Variants in TDRD9 observed in about 807,000 individuals in gnomAD.
The protein encoded by TDRD9 is tudor domain containing 9, also known as ATP-dependent RNA helicase TDRD9.
TDRD9 carries 124 observed loss-of-function variants against 172.6 expected under a neutral mutation model. The ratio of observed to expected loss-of-function variants is 0.72; its 90% CI spans 0.62 to 0.83. The LOEUF (loss-of-function observed/expected upper bound fraction) is 0.83. Among genes scored for constraint, TDRD9 ranks in the 40% least tolerant of loss-of-function variants. The pLI is 0.00. For synonymous variants in TDRD9, 619 were observed against 617.1 expected, an observed-to-expected ratio of 1.00 and a Z score of -0.05; for missense variants, 1,479 against 1,714.1, an observed-to-expected ratio of 0.86 and a Z score of 2.42.
At position 104,006,557 on chromosome 14, in the gene TDRD9, A is replaced by C; in HGVS notation, c.1879+3A>C. 6.2e-7 allele frequency: 1 copy of C among 1,613,038 alleles called. No homozygotes were observed. Among genetic ancestry groups the C allele is most frequent in the Non-Finnish European group, 8.5e-7 (1 of 1,179,086 alleles). On this transcript the variant is annotated splice_donor_region_variant and intron_variant, in intron 16 of 35. Coordinates refer to ENST00000409874, the MANE Select transcript of TDRD9 (RefSeq NM_153046.3). ...TCTAGATGAATGTCTTATTATAGGT[A>C]AGTGTGAGAACAAATAAATGCTAAT...
At chr14:103,955,864 A>G in intron 2 of TDRD9, 94 bp downstream of exon 2, 1 of 1,073,722 alleles carries the variant, frequency 9.3e-7, no homozygotes, top group South Asian at 1.5e-5. Flanking sequence ...AATTCCAGCT[A>G]CTCAGGAGGC....
At chr14:103,936,317 C>G (rs2030760320) in intron 1 of TDRD9, among the ~76,000 whole-genome samples, 1 of 152,162 alleles carries the variant, frequency 6.6e-6, no homozygotes, top group Admixed American at 6.5e-5. Flanking sequence ...GTCTCAAATT[C>G]CTGGGCTCAA....
chr14:103,947,453 G>A (rs1327736603), intron 1 of TDRD9, among the ~76,000 whole-genome samples: 3 of 151,554 alleles, frequency 2.0e-5, no homozygotes, highest in African/African-American at 7.3e-5. Context: ...TTAGCCTCCC[G>A]AGTAGCTGGG....
intron 1 of TDRD9, among the ~76,000 whole-genome samples, chr14:103,933,925 TTTC>T (rs1211360489): frequency 6.6e-6 from 1 of 152,240 alleles, no homozygotes; most frequent in African/African-American, 2.4e-5. Context: ...ATGTTGCTTT[TTTC>T]TTTTTGTCTT....
chr14:104,051,868 T>C (rs1198450380), intron 35 of TDRD9, 113 bp from the exon 36 acceptor site: 7 of 615,876 alleles, frequency 1.1e-5, no homozygotes. Flanking sequence ...TCTGTAAATA[T>C]TTTTGGAGAA....
At chr14:103,984,750 C>T (rs1295938838) in intron 7 of TDRD9, among the ~76,000 whole-genome samples, 1 of 152,190 alleles carries the variant, frequency 6.6e-6, no homozygotes, top group Non-Finnish European at 1.5e-5. Flanking sequence ...GGGCCATTGT[C>T]TTCCAGACCC....
intron 1 of TDRD9, chr14:103,941,719 A>G (rs2031248337): frequency 6.9e-7 from 1 of 1,458,442 alleles, no homozygotes; most frequent in East Asian, 2.5e-5. Context: ...AAATATTTTC[A>G]CTTGTTTATT....
intron 20 of TDRD9, among the ~76,000 whole-genome samples, chr14:104,011,978 C>T (rs2034626991): frequency 6.6e-6 from 1 of 152,062 alleles, no homozygotes; most frequent in South Asian, 2.1e-4. Flanking sequence ...GGTGTCCTTT[C>T]CCAGTAGAGT....
intron 6 of TDRD9, among the ~76,000 whole-genome samples, chr14:103,971,782 A>G (rs1205294396): frequency 1.3e-5 from 2 of 151,852 alleles, no homozygotes; most frequent in Non-Finnish European, 1.5e-5. Flanking sequence ...CAGGCTGCAG[A>G]AAATGGTCTA....
intron 24 of TDRD9, 134 bp downstream of exon 24, chr14:104,022,464 A>C: frequency 2.6e-5 from 24 of 920,868 alleles, no homozygotes; most frequent in Non-Finnish European, 3.4e-5. Flanking sequence ...GTGGGGGCTC[A>C]CGCCACTCAT....
chr14:104,039,475 G>A (rs2035547759), intron 32 of TDRD9, among the ~76,000 whole-genome samples: 1 of 152,186 alleles, frequency 6.6e-6, no homozygotes, highest in African/African-American at 2.4e-5. Context: ...CTACTGAGAC[G>A]CCTTAGGCAA....
At chr14:104,029,205 C>T (rs1258251817) in intron 28 of TDRD9, among the ~76,000 whole-genome samples, 1 of 152,068 alleles carries the variant, frequency 6.6e-6, no homozygotes, top group African/African-American at 2.4e-5. Flanking sequence ...ATTGTTTTTT[C>T]TATTTCTGTG....
intron 1 of TDRD9, among the ~76,000 whole-genome samples, chr14:103,950,385 C>T (rs558099907): frequency 7.9e-5 from 12 of 152,328 alleles, no homozygotes; most frequent in African/African-American, 1.2e-4. Flanking sequence ...CCACCGCATA[C>T]GGCCGGTTTC....
chr14:104,025,949 A>T (rs761506670), intron 26 of TDRD9, 98 bp from the exon 27 acceptor site: 4 of 1,005,840 alleles, frequency 4.0e-6, no homozygotes, highest in Non-Finnish European at 6.1e-6. Flanking sequence ...CAAGAATTCT[A>T]TAATTATAGG....
In TDRD9 at chr14:104,022,307, C is replaced by T. The variant is rs563672970; in HGVS notation, c.2583C>T (p.Asn861=). Residue 861 remains asparagine, a synonymous_variant, in exon 24 of 36, where the codon AAC becomes AAT. Transcript: ENST00000409874. ...EEIEGKVQGM[N]VSKLRNTRVN... is the part of the protein sequence containing the mutation. ...TTGAAGGGAAGGTGCAAGGCATGAA[C>T]GTCTCAAAGCTCAGGAACACAAGGT... The T allele has an allele frequency of 7.6e-5, 123 of 1,612,584 alleles. No individual in the cohort carries two copies. The Middle Eastern group carries it at 8.3e-4, about 11-fold the overall frequency.
chr14:103,950,176 G>A lies in TDRD9; in HGVS notation c.216-5488G>A, dbSNP rs141155186. 6.7e-5 allele frequency among the ~76,000 whole-genome samples: 9 copies of A among 133,420 alleles called. No individual in the cohort carries two copies. In the South Asian group the frequency reaches 7.7e-4, roughly 11 times the overall value. 87.5% of individuals were successfully genotyped at this position (133,420 alleles called of 152,430 possible). ...GCAATCTCAGCTCACCGCAACCTCC[G>A]CCTCCCAGGTTCAAGCGATTCTCCT... On this transcript the variant is annotated intron_variant, in intron 1 of 35. Coordinates refer to ENST00000409874, the MANE Select transcript of TDRD9 (RefSeq NM_153046.3).
intron 34 of TDRD9, among the ~76,000 whole-genome samples, chr14:104,045,573 A>C (rs1377113590): frequency 1.3e-5 from 2 of 152,222 alleles, no homozygotes; most frequent in African/African-American, 4.8e-5. Context: ...GATGTCTTCC[A>C]AAGAACACAA....
chr14:103,949,481 A>C (rs1338253336), intron 1 of TDRD9, among the ~76,000 whole-genome samples: 1 of 152,230 alleles, frequency 6.6e-6, no homozygotes, highest in Non-Finnish European at 1.5e-5. Context: ...AGTCAGTTCA[A>C]GTCCTGATTT....
intron 7 of TDRD9, among the ~76,000 whole-genome samples, chr14:103,979,055 C>G (rs1005696324): frequency 6.6e-6 from 1 of 152,184 alleles, no homozygotes; most frequent in Non-Finnish European, 1.5e-5. Flanking sequence ...CTCCTTTCCC[C>G]TACCCTTCCC....
Sources: gnomAD v4.1 joint callset for allele counts (sites outside exome capture counted in the v4.1 genomes callset) on GRCh38, gnomAD v4.1.1 for gene constraint, MANE v1.5 for transcripts, NCBI Gene and HGNC (gene_info 2026-07-23, HGNC 2026-07-21) for gene names.